The following TEX11 variants were observed in gnomAD, a reference collection of about 807,000 sequenced individuals.
TEX11 encodes testis expressed 11, also known as testis-expressed protein 11.
A neutral mutation model predicts 84.4 loss-of-function variants in TEX11; 7 were observed. The observed-to-expected ratio is 0.08, with a 90% CI of 0.05 to 0.16. The LOEUF (loss-of-function observed/expected upper bound fraction) is 0.16. Among genes scored for constraint, TEX11 ranks in the 10% least tolerant of loss-of-function variants. The pLI is 1.00. For missense variants in TEX11, 551 were observed against 660.5 expected (o/e 0.83, Z 1.82); for synonymous variants, 264 against 222.8 (o/e 1.18, Z -1.64).
In TEX11 at chrX:70,648,939, C is replaced by T. The variant is rs1331791270; in HGVS notation, c.1483+2511G>A. 4.6e-5 allele frequency among the ~76,000 whole-genome samples: 5 copies of T among 109,189 alleles called. No homozygotes were observed. In the East Asian group the frequency reaches 8.9e-4, roughly 19 times the overall value. 94.8% of individuals were successfully genotyped at this position (109,189 alleles called of 115,157 possible). A position where few individuals can be genotyped will look rare whatever the true frequency, so the allele number is the denominator to read the frequency against. On this transcript the variant is annotated intron_variant, in intron 17 of 29. Transcript: ENST00000374333. ...GTGTCCATGTGTTCTCATTGTTCATCTCCCTCTTATGAGTGAGAACATGTG... is the reference window on the plus strand; with the variant it reads ...GTGTCCATGTGTTCTCATTGTTCATTTCCCTCTTATGAGTGAGAACATGTG...
At chrX:70,784,318 G>A (rs749236594) in intron 9 of TEX11, among the ~76,000 whole-genome samples, 8 of 111,408 alleles carry the variant, frequency 7.2e-5, no homozygotes, top group Admixed American at 1.9e-4. Flanking sequence ...AGGTATTGAT[G>A]GAACGTATCT....
rs58178363 is a variant in TEX11, at chrX:70,671,910, T to TACAC, written c.1243-1400_1243-1397dup. ...ATATATATATATATATATATATATA[T>TACAC]ACACACACACATAGCTAAAACCATC... On this transcript the variant is annotated intron_variant, in intron 15 of 29. Transcript: ENST00000374333. 6.9e-3 allele frequency among the ~76,000 whole-genome samples: 470 copies of TACAC among 67,633 alleles called. 5 individuals are homozygous for TACAC. The highest frequency in any genetic ancestry group is 0.028 in the South Asian group (27 of 976). 58.7% of individuals were successfully genotyped at this position (67,633 alleles called of 115,157 possible). A position where few individuals can be genotyped will look rare whatever the true frequency, so the allele number is the denominator to read the frequency against.
chrX:70,797,742 A>C (rs960308330), intron 9 of TEX11, among the ~76,000 whole-genome samples: 1 of 106,336 alleles, frequency 9.4e-6, no homozygotes, highest in African/African-American at 3.4e-5. Context: ...AACAGAATAA[A>C]GGATAAAAAT....
chrX:70,866,960 C>T (rs2091602743), intron 4 of TEX11, among the ~76,000 whole-genome samples: 1 of 111,983 alleles, frequency 8.9e-6, no homozygotes, highest in Admixed American at 9.6e-5. Context: ...GGAAAACTGG[C>T]ACAAGACAAG....
intron 9 of TEX11, among the ~76,000 whole-genome samples, chrX:70,805,965 C>T (rs2091216742): frequency 9.0e-6 from 1 of 111,687 alleles, no homozygotes; most frequent in African/African-American, 3.3e-5. Context: ...TATATACTTA[C>T]TTGACTGATA....
At chrX:70,845,454 G>A (rs929302000) in intron 7 of TEX11, among the ~76,000 whole-genome samples, 13 of 111,102 alleles carry the variant, frequency 1.2e-4, no homozygotes, top group Admixed American at 9.5e-4. Flanking sequence ...GGGCCACTGC[G>A]CCTGGCCCAC....
At chrX:70,555,541 T>G (rs1236150920) in intron 25 of TEX11, among the ~76,000 whole-genome samples, 1 of 112,301 alleles carries the variant, frequency 8.9e-6, no homozygotes, top group Non-Finnish European at 1.9e-5. Flanking sequence ...TTTGTGCTCC[T>G]TTCCAGTCAA....
intron 4 of TEX11, among the ~76,000 whole-genome samples, chrX:70,869,629 A>G (rs1322682599): frequency 1.8e-5 from 2 of 111,611 alleles, no homozygotes; most frequent in Non-Finnish European, 3.8e-5. Context: ...TACAAAAATT[A>G]GTAAGGTGTG....
intron 8 of TEX11, among the ~76,000 whole-genome samples, chrX:70,810,995 T>C (rs918031221): frequency 3.6e-5 from 4 of 111,495 alleles, no homozygotes; most frequent in African/African-American, 1.3e-4. Flanking sequence ...TTACAGAACA[T>C]GTCGTTACAA....
chrX:70,565,231 T>C (rs1013116940), intron 25 of TEX11, among the ~76,000 whole-genome samples: 2 of 106,082 alleles, frequency 1.9e-5, no homozygotes, highest in African/African-American at 7.2e-5. Flanking sequence ...TTCATGTCCT[T>C]CACCCACTTT....
chrX:70,789,272 C>A (rs779394015), intron 9 of TEX11, among the ~76,000 whole-genome samples: 1 of 110,295 alleles, frequency 9.1e-6, no homozygotes, highest in South Asian at 3.8e-4. Context: ...TGCTCAAAAT[C>A]GCTACACATT....
intron 8 of TEX11, among the ~76,000 whole-genome samples, chrX:70,807,852 C>T (rs2147809106): frequency 9.1e-6 from 1 of 110,163 alleles, no homozygotes; most frequent in South Asian, 3.9e-4. Context: ...ACCTGTAATC[C>T]GAGCGCTTTG....
intron 24 of TEX11, among the ~76,000 whole-genome samples, chrX:70,592,126 C>G (rs896788689): frequency 2.7e-5 from 3 of 111,344 alleles, no homozygotes; most frequent in African/African-American, 9.8e-5. Flanking sequence ...TGGATCCTCT[C>G]CTCAGCAAAA....
chrX:70,861,356 C>T (rs1203884952), intron 4 of TEX11, among the ~76,000 whole-genome samples: 2 of 110,840 alleles, frequency 1.8e-5, no homozygotes, highest in Non-Finnish European at 3.8e-5. Context: ...CCACTGCGCC[C>T]GGCCTGTAAA....
intron 16 of TEX11, among the ~76,000 whole-genome samples, chrX:70,669,456 T>C (rs756005975): frequency 1.2e-4 from 13 of 112,610 alleles, no homozygotes; most frequent in African/African-American, 4.2e-4. Context: ...TCTTAAACTG[T>C]AGGTAACTAT....
chrX:70,590,247 T>C (rs753236026), intron 25 of TEX11, among the ~76,000 whole-genome samples: 11 of 111,924 alleles, frequency 9.8e-5, no homozygotes, highest in Non-Finnish European at 1.3e-4. Flanking sequence ...TAAGTGACTG[T>C]CATAGACTAC....
At chrX:70,567,629 A>G (rs981234632) in intron 25 of TEX11, among the ~76,000 whole-genome samples, 1 of 111,230 alleles carries the variant, frequency 9.0e-6, no homozygotes, top group African/African-American at 3.3e-5. Flanking sequence ...GGTTTCAAAG[A>G]ACATCTTTAT....
intron 13 of TEX11, among the ~76,000 whole-genome samples, chrX:70,703,289 A>T (rs1173870571): frequency 1.8e-5 from 2 of 111,456 alleles, no homozygotes; most frequent in East Asian, 5.6e-4. Flanking sequence ...TATGTACATA[A>T]TCTCTTGTAA....
At chrX:70,686,546 G>T (rs1365462354) in intron 13 of TEX11, among the ~76,000 whole-genome samples, 1 of 110,742 alleles carries the variant, frequency 9.0e-6, no homozygotes, top group African/African-American at 3.3e-5. Context: ...GGAGGTGAGG[G>T]TGAGGGGAAG....
Sources: allele counts gnomAD v4.1 joint callset (sites outside exome capture counted in the v4.1 genomes callset), GRCh38; gene constraint gnomAD v4.1.1; transcripts MANE v1.5; gene names NCBI Gene and HGNC (gene_info 2026-07-23, HGNC 2026-07-21).